The following LMNTD1 variants were observed in gnomAD, a reference collection of about 807,000 sequenced individuals.
LMNTD1 encodes the protein lamin tail domain-containing protein 1.
A neutral mutation model predicts 50.9 loss-of-function variants in LMNTD1; 35 were observed. That is an observed-to-expected ratio of 0.69 (90% CI 0.53 to 0.91). The LOEUF (loss-of-function observed/expected upper bound fraction) is 0.91, where lower values mean the gene tolerates loss of function less well. LMNTD1 is among the 40% of genes least tolerant of loss of function. The pLI is 0.00. For synonymous variants in LMNTD1, 153 were observed against 161.9 expected (o/e 0.94, Z 0.42); for missense variants, 470 against 475.5 (o/e 0.99, Z 0.11).
At chr12:25,592,572 G>A (rs1443835094) in intron 1 of LMNTD1, 1 of 152,276 alleles carries the variant, frequency 6.6e-6, no homozygotes, top group Non-Finnish European at 1.5e-5. Flanking sequence ...TGGACTCACT[G>A]GGTCCCCTGG....
At chr12:25,541,394 C>T (rs982212340) in intron 4 of LMNTD1, among the ~76,000 whole-genome samples, 1 of 147,292 alleles carries the variant, frequency 6.8e-6, no homozygotes, top group African/African-American at 2.5e-5. Context: ...TGGAACAGAA[C>T]AGAGCCCTCA....
At chr12:25,489,281 T>C (rs553925326) in intron 9 of LMNTD1, among the ~76,000 whole-genome samples, 8 of 150,532 alleles carry the variant, frequency 5.3e-5, no homozygotes, top group African/African-American at 1.5e-4. Context: ...ATCAGTGAGA[T>C]TCCGTGGGCG....
In LMNTD1 at chr12:25,612,171, A is replaced by C. The variant is rs192798108; in HGVS notation, c.58+36323T>G. Among the ~76,000 whole-genome samples, 104 of 152,306 alleles carry C rather than the reference A, an allele frequency of 6.8e-4. 1 individual carries two copies. The highest frequency in any genetic ancestry group is 2.4e-3 in the African/African-American group (100 of 41,564). ...TGTGGCTTTAGATGGAGAGATAGCA[A>C]AATTAAATTTTTTTAGATTAACTCA... On this transcript the variant is annotated intron_variant, in intron 1 of 7. Transcript: ENST00000445693.
chr12:25,513,983 A>G (rs112188906), intron 8 of LMNTD1, among the ~76,000 whole-genome samples: 28,188 of 151,994 alleles, frequency 0.19, 2,783 homozygotes, highest in Middle Eastern at 0.24. Context: ...AACTCTCAAC[A>G]TGACCTTTAA....
chr12:25,554,753 T>C (rs1430461411), upstream of LMNTD1, among the ~76,000 whole-genome samples: 1 of 152,168 alleles, frequency 6.6e-6, no homozygotes, highest in Non-Finnish European at 1.5e-5. Context: ...TAGGCATTCA[T>C]GCAGGTGAAA....
intron 1 of LMNTD1, among the ~76,000 whole-genome samples, chr12:25,612,290 T>TCACACACA (rs71705893): frequency 3.9e-4 from 42 of 107,252 alleles, no homozygotes; most frequent in Non-Finnish European, 6.4e-4. Flanking sequence ...CTAAGGTCCC[T>TCACACACA]CACACACACA....
chr12:25,580,505 T>C (rs1399033814), intron 1 of LMNTD1, among the ~76,000 whole-genome samples: 1 of 152,192 alleles, frequency 6.6e-6, no homozygotes, highest in Non-Finnish European at 1.5e-5. Context: ...TGTGCTTTAT[T>C]CATCCTATTT....
intron 1 of LMNTD1, among the ~76,000 whole-genome samples, chr12:25,594,563 T>C (rs996519418): frequency 4.2e-5 from 6 of 142,008 alleles, no homozygotes; most frequent in African/African-American, 1.6e-4. Flanking sequence ...CTTAAAAAAA[T>C]CTCTAAATCT....
intron 8 of LMNTD1, among the ~76,000 whole-genome samples, chr12:25,516,623 G>A (rs1265820241): frequency 6.6e-6 from 1 of 152,056 alleles, no homozygotes; most frequent in East Asian, 1.9e-4. Context: ...AGAGTTTATT[G>A]CTAAAGAGAC....
chr12:25,561,477 C>G (rs1042461101), intron 1 of LMNTD1, among the ~76,000 whole-genome samples: 5 of 152,182 alleles, frequency 3.3e-5, no homozygotes, highest in African/African-American at 1.2e-4. Flanking sequence ...AATCCTGAGT[C>G]TAGTTTGATT....
intron 8 of LMNTD1, among the ~76,000 whole-genome samples, chr12:25,518,257 A>T (rs1276019461): frequency 6.6e-6 from 1 of 152,204 alleles, no homozygotes; most frequent in African/African-American, 2.4e-5. Flanking sequence ...AGAAAAAATC[A>T]TATAGACACA....
At chr12:25,615,102 C>T (rs913620327) in intron 1 of LMNTD1, among the ~76,000 whole-genome samples, 1 of 152,108 alleles carries the variant, frequency 6.6e-6, no homozygotes, top group African/African-American at 2.4e-5. Flanking sequence ...CACAATCCAG[C>T]CTGTAATAGT....
At chr12:25,527,675 TATATATACACAC>T (rs1348242056) in intron 4 of LMNTD1, among the ~76,000 whole-genome samples, 30 of 21,992 alleles carry the variant, frequency 1.4e-3, no homozygotes, top group East Asian at 0.014. Context: ...TATATATATA[TATATATACACAC>T]ACACACACAC....
chr12:25,496,661 T>G (rs1239657206), intron 9 of LMNTD1, among the ~76,000 whole-genome samples: 1 of 152,218 alleles, frequency 6.6e-6, no homozygotes, highest in East Asian at 1.9e-4. Flanking sequence ...CTCAGAGGCT[T>G]GAGACTAGAA....
chr12:25,527,378 T>G (rs912313493), intron 4 of LMNTD1, among the ~76,000 whole-genome samples: 3 of 151,716 alleles, frequency 2.0e-5, no homozygotes, highest in Non-Finnish European at 4.4e-5. Context: ...GATTAAAAGA[T>G]TTTTGAAAGG....
intron 1 of LMNTD1, among the ~76,000 whole-genome samples, chr12:25,566,445 A>T (rs926683685): frequency 2.0e-5 from 3 of 152,220 alleles, no homozygotes; most frequent in Non-Finnish European, 4.4e-5. Context: ...TCTTGTTTGT[A>T]TAACGACTTC....
At chr12:25,529,204 T>G (rs531212622) in intron 4 of LMNTD1, among the ~76,000 whole-genome samples, 2 of 152,166 alleles carry the variant, frequency 1.3e-5, no homozygotes, top group Admixed American at 1.3e-4. Context: ...ACCCAGCCCC[T>G]TCACGCATCT....
chr12:25,592,617 G>C (rs1945732151), intron 1 of LMNTD1: 1 of 152,724 alleles, frequency 6.5e-6, no homozygotes, highest in Admixed American at 6.5e-5. Context: ...AGGGTCCTTG[G>C]GGCGGGGGGC....
chr12:25,516,894 G>A (rs11048087), intron 8 of LMNTD1, among the ~76,000 whole-genome samples: 111,259 of 150,398 alleles, frequency 0.74, 42,123 homozygotes, highest in East Asian at 0.88. Context: ...AAAAGTGGGC[G>A]AAGGACATGA....
Sources: allele counts gnomAD v4.1 joint callset (sites outside exome capture counted in the v4.1 genomes callset), GRCh38; gene constraint gnomAD v4.1.1; transcripts MANE v1.5; gene names NCBI Gene and HGNC (gene_info 2026-07-23, HGNC 2026-07-21).